PSPC1: variants seen among roughly 807,000 people sequenced by gnomAD.
The protein encoded by PSPC1 is paraspeckle component 1.
Under a neutral mutation model 51.6 loss-of-function variants are expected in PSPC1, and 14 were observed. That is an observed-to-expected ratio of 0.27 (90% CI 0.18 to 0.42). The LOEUF (loss-of-function observed/expected upper bound fraction) is 0.42. PSPC1 is among the 10% of genes least tolerant of loss of function. The probability of loss-of-function intolerance (pLI) is 1.00; values close to 1 mark genes in which losing one functional copy is unlikely to be tolerated. For synonymous variants in PSPC1, 193 were observed against 231.9 expected (o/e 0.83, Z 1.53); for missense variants, 406 against 701.1 (o/e 0.58, Z 4.75).
chr13:19,721,798 G>A (rs1222204874), intron 6 of PSPC1, among the ~76,000 whole-genome samples: 1 of 152,120 alleles, frequency 6.6e-6, no homozygotes, highest in African/African-American at 2.4e-5. Context: ...AAAAAGTTAG[G>A]TGTGTTGAAA....
intron 6 of PSPC1, among the ~76,000 whole-genome samples, chr13:19,692,842 A>G (rs1406885004): frequency 6.6e-6 from 1 of 152,168 alleles, no homozygotes; most frequent in African/African-American, 2.4e-5. Context: ...CTGGAATCTG[A>G]ACAATCCTGA....
intron 7 of PSPC1, among the ~76,000 whole-genome samples, chr13:19,707,231 T>TCA (rs1319421164): frequency 6.6e-6 from 1 of 152,126 alleles, no homozygotes; most frequent in Non-Finnish European, 1.5e-5. Flanking sequence ...GTTCAGAATA[T>TCA]AACTATACAA....
At chr13:19,710,501 A>T (rs906872778) in intron 6 of PSPC1, among the ~76,000 whole-genome samples, 9 of 152,272 alleles carry the variant, frequency 5.9e-5, no homozygotes, top group Non-Finnish European at 1.2e-4. Context: ...CAAATGCAGC[A>T]ATGTTTAAAG....
chr13:19,709,366 A>G (rs1051289419), intron 7 of PSPC1, among the ~76,000 whole-genome samples, 176 bp downstream of exon 7: 2 of 152,096 alleles, frequency 1.3e-5, no homozygotes, highest in Non-Finnish European at 2.9e-5. Flanking sequence ...TTCTTCCCAG[A>G]CATATATTTT....
chr13:19,745,994 T>C (rs1885933443), intron 4 of PSPC1, among the ~76,000 whole-genome samples: 2 of 151,346 alleles, frequency 1.3e-5, no homozygotes. Flanking sequence ...CAGCAACATA[T>C]TTGTTTTGTT....
chr13:19,776,868 G>C (rs1889191339), intron 1 of PSPC1, among the ~76,000 whole-genome samples: 2 of 149,068 alleles, frequency 1.3e-5, no homozygotes, highest in Non-Finnish European at 3.0e-5. Flanking sequence ...GCTCATGCCT[G>C]TAATCCCAGC....
At chr13:19,714,176 T>C (rs1216472166) in intron 6 of PSPC1, among the ~76,000 whole-genome samples, 1 of 152,218 alleles carries the variant, frequency 6.6e-6, no homozygotes. Context: ...GTACATCTGC[T>C]GCATTCTGAA....
intron 5 of PSPC1, among the ~76,000 whole-genome samples, chr13:19,733,892 G>A (rs1332682713): frequency 6.6e-6 from 1 of 152,116 alleles, no homozygotes; most frequent in South Asian, 2.1e-4. Context: ...AGGTGAGACT[G>A]CGGGGAGCCG....
chr13:19,677,638 G>C, intron 7 of PSPC1: 1 of 401,664 alleles, frequency 2.5e-6, no homozygotes, highest in Admixed American at 3.5e-5. Context: ...CACAGAATCA[G>C]AATCAGGAAG....
At chr13:19,757,008 C>G (rs760543809) in intron 3 of PSPC1, among the ~76,000 whole-genome samples, 1 of 151,598 alleles carries the variant, frequency 6.6e-6, no homozygotes, top group Non-Finnish European at 1.5e-5. Context: ...CACGTGCCTA[C>G]AGTCCCAGCT....
chr13:19,736,429 A>T (rs865846296), intron 5 of PSPC1, among the ~76,000 whole-genome samples: 4 of 152,120 alleles, frequency 2.6e-5, no homozygotes, highest in Non-Finnish European at 5.9e-5. Flanking sequence ...CAAGCCTGTA[A>T]TCCCAGCACT....
chr13:19,729,028 A>G (rs746970204), intron 6 of PSPC1, among the ~76,000 whole-genome samples: 6 of 152,200 alleles, frequency 3.9e-5, no homozygotes, highest in South Asian at 4.1e-4. Context: ...TAACCCTTTA[A>G]AAACAGAAGC....
At chr13:19,764,035 G>C (rs540619216) in intron 2 of PSPC1, among the ~76,000 whole-genome samples, 34 of 151,882 alleles carry the variant, frequency 2.2e-4, no homozygotes, top group Non-Finnish European at 4.0e-4. Flanking sequence ...TTTTTCAGGG[G>C]GTAAGAGAGA....
At chr13:19,671,844 T>TA, downstream of PSPC1, 1 of 1,614,170 alleles carries the variant, frequency 6.2e-7, no homozygotes, top group Non-Finnish European at 8.5e-7. Flanking sequence ...GTTAAGTTGC[T>TA]AATAGGTGCA....
At chr13:19,737,472 T>C (rs1021889152) in intron 5 of PSPC1, among the ~76,000 whole-genome samples, 7 of 152,212 alleles carry the variant, frequency 4.6e-5, no homozygotes, top group African/African-American at 1.7e-4. Flanking sequence ...CTGGTAAGAA[T>C]ATCACAGAAA....
At chr13:19,778,489 C>A (rs1649627368) in intron 1 of PSPC1, among the ~76,000 whole-genome samples, 1 of 141,688 alleles carries the variant, frequency 7.1e-6, no homozygotes, top group Admixed American at 7.2e-5. Context: ...CTGCCTGATT[C>A]TCCTGCCTCA....
At chr13:19,749,193 A>G (rs1438138291) in intron 4 of PSPC1, among the ~76,000 whole-genome samples, 1 of 152,054 alleles carries the variant, frequency 6.6e-6, no homozygotes, top group Non-Finnish European at 1.5e-5. Context: ...CTAAAAATAC[A>G]AAAAATTAGC....
chr13:19,780,406 G>A (rs1889822525), intron 1 of PSPC1, among the ~76,000 whole-genome samples: 1 of 77,732 alleles, frequency 1.3e-5, no homozygotes, highest in African/African-American at 3.5e-5. Context: ...GAAATCGGAT[G>A]GTTGCCGTGT....
In PSPC1 at chr13:19,692,365, C is replaced by T. The variant is rs1023259005; in HGVS notation, c.1159-14542G>A. Among the ~76,000 whole-genome samples, 4 of 152,284 alleles carry T rather than the reference C, an allele frequency of 2.6e-5. No homozygotes were observed. In the East Asian group the frequency reaches 5.8e-4, roughly 22 times the overall value. ...TTGTGAGCTCAAGTGATCCACCCAC[C>T]TTGACCTCCCAAAGTGCTCAGATTA... is the stretch of plus-strand genomic sequence containing the variant. On this transcript the variant is annotated intron_variant and NMD_transcript_variant, in intron 6 of 7. Coordinates refer to the PSPC1 transcript ENST00000471658.
Sources: gnomAD v4.1 joint callset for allele counts (sites outside exome capture counted in the v4.1 genomes callset) on GRCh38, gnomAD v4.1.1 for gene constraint, MANE v1.5 for transcripts, NCBI Gene and HGNC (gene_info 2026-07-23, HGNC 2026-07-21) for gene names.